The following GCN1 variants were observed in gnomAD, a reference collection of about 807,000 sequenced individuals.
GCN1 encodes GCN1 activator of EIF2AK4, also known as stalled ribosome sensor GCN1.
A neutral mutation model predicts 288.4 loss-of-function variants in GCN1; 90 were observed. The observed-to-expected ratio is 0.31, with a 90% confidence interval of 0.26 to 0.37. The LOEUF is 0.37. Ranked by LOEUF, GCN1 falls within the 10% of genes least tolerant of loss-of-function variation. The pLI, the probability that GCN1 is intolerant of heterozygous loss-of-function variation, is 1.00. For missense variants in GCN1, 2,586 were observed against 3,419.9 expected (o/e 0.76, Z 6.08); for synonymous variants, 1,386 against 1,420.2 (o/e 0.98, Z 0.54).
At position 120,176,180 on chromosome 12, in the gene GCN1, G is replaced by A; in HGVS notation, c.876C>T (p.Leu292=). Residue 292 remains leucine, a synonymous_variant, in exon 10 of 58, where the codon CTC becomes CTT. Coordinates refer to ENST00000300648, the MANE Select transcript of GCN1 (RefSeq NM_006836.2). ...TCACGATGTCCATGGCATACTGGCT[G>A]AGGTCAAGCGTCACTGATGCCAGCA... ...SSLLASVTLD[L]SQYAMDIVKG... 6.2e-7 allele frequency: 1 copy of A among 1,612,402 alleles called. No homozygotes were observed. Among genetic ancestry groups the A allele is most frequent in the African/African-American group, 1.3e-5 (1 of 75,016 alleles).
At chr12:120,160,763 T>A (rs1268303943) in intron 22 of GCN1, among the ~76,000 whole-genome samples, 2 of 152,188 alleles carry the variant, frequency 1.3e-5, no homozygotes, top group Non-Finnish European at 2.9e-5. Context: ...GGCAGGAATA[T>A]CGTAGGAACA....
At chr12:120,167,636 T>C (rs1878176441) in intron 16 of GCN1, among the ~76,000 whole-genome samples, 2 of 152,300 alleles carry the variant, frequency 1.3e-5, no homozygotes, top group African/African-American at 2.4e-5. Context: ...TTGAATTACA[T>C]TAGTCTATTT....
At chr12:120,192,126 G>C (rs1879020199) in intron 1 of GCN1, among the ~76,000 whole-genome samples, 1 of 152,082 alleles carries the variant, frequency 6.6e-6, no homozygotes, top group Admixed American at 6.5e-5. Context: ...ACTTCAGTTT[G>C]ACTTGTTTTA....
chr12:120,158,135 GC>G lies in GCN1; in HGVS notation c.2906-106del. On this transcript the variant is annotated intron_variant, in intron 25 of 57. Transcript: ENST00000300648. This position sits in a 1 kb window ranked among gnomAD's most constrained non-coding sequence, Gnocchi z 4.3. ...AAAGTAGGGAACGGATGGACCAGAG[GC>G]CCGTTCTGACACCTGGAAGCACATG... The G allele has an allele frequency of 2.6e-6, 3 of 1,136,298 alleles. No individual in the cohort carries two copies. The highest frequency in any genetic ancestry group is 3.8e-6 in the Non-Finnish European group (3 of 792,794). The allele number at this position is 1,136,298 out of a possible 1,614,324, so 70.4% of individuals were successfully genotyped here.
intron 14 of GCN1, among the ~76,000 whole-genome samples, chr12:120,171,971 G>A (rs530883622): frequency 6.6e-6 from 1 of 151,720 alleles, no homozygotes; most frequent in South Asian, 2.1e-4. Flanking sequence ...AAGCAATCCC[G>A]CTGCCTCAGC....
At chr12:120,180,472 G>A (rs189137101) in intron 5 of GCN1, among the ~76,000 whole-genome samples, 5 of 150,892 alleles carry the variant, frequency 3.3e-5, no homozygotes, top group East Asian at 2.0e-4. Context: ...AAAATTAGCC[G>A]GGTGTGGTGG....
chr12:120,162,967 G>A lies in GCN1; in HGVS notation c.2043C>T (p.Ala681=), dbSNP rs376225882. 188 of 1,614,090 alleles carry A rather than the reference G, an allele frequency of 1.2e-4. No homozygotes were observed. The highest frequency in any genetic ancestry group is 6.6e-4 in the Middle Eastern group (4 of 6,082). ...GTGCTGGCCAAAGTCCAGACTGCAC[G>A]GCAACTGAAGGGGAAGGGAGCTCTT... ...LIISHHPSLV[A]VQSGLWPALL... is the part of the protein sequence containing the mutation. The change falls in exon 20 of 58, where the codon GCC becomes GCT. Residue 681 remains alanine (A), a synonymous_variant. Transcript: ENST00000300648.
Position 120,137,949 on chromosome 12 carries a change from C to G in GCN1, c.6345G>C (p.Ala2115=), listed in dbSNP as rs772955825. 6.2e-7 allele frequency: 1 copy of G among 1,613,988 alleles called. No individual in the cohort carries two copies. Among genetic ancestry groups the G allele is most frequent in the Non-Finnish European group, 8.5e-7 (1 of 1,179,988 alleles). ...LTRHLGVILP[A]VMLALKEKLG... Reference sequence around the variant, plus strand: ...GCTTTTCCTTCAGGGCCAGCATGACCGCTGGGAGGATCACGCCAAGATGAC... The same window carrying G: ...GCTTTTCCTTCAGGGCCAGCATGACGGCTGGGAGGATCACGCCAAGATGAC... The change falls in exon 48 of 58, where the codon GCG becomes GCC. Residue 2115 remains alanine, a synonymous_variant. Transcript: ENST00000300648. This position sits in a 1 kb window ranked among gnomAD's most constrained non-coding sequence, Gnocchi z 5.2.
intron 2 of GCN1, among the ~76,000 whole-genome samples, chr12:120,189,276 T>C (rs1459666499): frequency 1.3e-5 from 2 of 152,032 alleles, no homozygotes; most frequent in Non-Finnish European, 2.9e-5. Flanking sequence ...TTTCACCATG[T>C]TGGTCAGGCT....
Position 120,149,902 on chromosome 12 carries a change from C to A in GCN1, c.4431+20G>T. The A allele has an allele frequency of 6.2e-7, 1 of 1,613,968 alleles. No individual in the cohort carries two copies. ...TCATAAAGTTTCCATGCTGTTCTCC[C>A]GAGCAGTCCGGGGACTTACCTCACG... On this transcript the variant is annotated intron_variant, in intron 35 of 57. Transcript: ENST00000300648.
intron 45 of GCN1, 55 bp downstream of exon 45, chr12:120,140,802 CCT>C (rs1334964593): frequency 2.6e-6 from 4 of 1,539,072 alleles, no homozygotes; most frequent in African/African-American, 2.7e-5. Flanking sequence ...CCTCCCCCGC[CCT>C]CTGAGTCAGG....
At chr12:120,189,220 G>A (rs2136119461) in intron 2 of GCN1, among the ~76,000 whole-genome samples, 1 of 151,338 alleles carries the variant, frequency 6.6e-6, no homozygotes, top group Non-Finnish European at 1.5e-5. Context: ...TTACAGGCGT[G>A]CGTCACCATG....
In GCN1 at chr12:120,153,093, C is replaced by T; in HGVS notation, c.4062+120G>A. 3 of 772,458 alleles carry T rather than the reference C, an allele frequency of 3.9e-6. No individual in the cohort carries two copies. Among genetic ancestry groups the T allele is most frequent in the Non-Finnish European group, 6.3e-6 (3 of 476,100 alleles). 47.9% of individuals were successfully genotyped at this position (772,458 alleles called of 1,614,324 possible). A position where few individuals can be genotyped will look rare whatever the true frequency, so the allele number is the denominator to read the frequency against. On this transcript the variant is annotated intron_variant, in intron 33 of 57. Transcript: ENST00000300648. The surrounding 1 kb of genome is among the most constrained non-coding windows in gnomAD (Gnocchi z 4.4). The stretch of plus-strand genomic sequence containing the variant: ...CCTGCGAGAGGGGGTGAATCCTTAA[C>T]AAGAACTGGGCTTTCAGGGCCCTGA...
intron 2 of GCN1, 37 bp from the exon 3 acceptor site, chr12:120,184,924 A>C (rs1436266903): frequency 1.4e-6 from 2 of 1,442,742 alleles, no homozygotes; most frequent in East Asian, 2.3e-5. Context: ...GGTCAATAAA[A>C]ATCACTTGGT....
intron 17 of GCN1, 21 bp downstream of exon 17, chr12:120,164,625 A>G: frequency 6.2e-7 from 1 of 1,609,936 alleles, no homozygotes; most frequent in Non-Finnish European, 8.5e-7. Flanking sequence ...CCAAAAGAAA[A>G]GGTAAGCCAG....
chr12:120,147,003 C>A, intron 38 of GCN1, 49 bp downstream of exon 38: 1 of 1,190,412 alleles, frequency 8.4e-7, no homozygotes, highest in Admixed American at 2.7e-5. Flanking sequence ...TGACTCTGCA[C>A]TCAAACATCT....
chr12:120,192,093 TAATA>T (rs1026743855), intron 1 of GCN1, among the ~76,000 whole-genome samples: 102 of 152,352 alleles, frequency 6.7e-4, no homozygotes, highest in African/African-American at 2.3e-3. Context: ...CCCCTGGTGT[TAATA>T]ATTACCCTTT....
At chr12:120,179,654 C>G (rs1878589139) in intron 5 of GCN1, among the ~76,000 whole-genome samples, 1 of 152,076 alleles carries the variant, frequency 6.6e-6, no homozygotes, top group Non-Finnish European at 1.5e-5. Context: ...CCGCCTCGGC[C>G]TCCCAAAGTG....
chr12:120,164,284 G>A lies in GCN1; in HGVS notation c.1848+52C>T, dbSNP rs898313650. The A allele has an allele frequency of 2.4e-5, 37 of 1,522,892 alleles. No homozygotes were observed. The South Asian group carries it at 3.1e-4, about 13-fold the overall frequency. 94.3% of individuals were successfully genotyped at this position (1,522,892 alleles called of 1,614,324 possible). On this transcript the variant is annotated intron_variant, in intron 18 of 57. Coordinates refer to ENST00000300648, the MANE Select transcript of GCN1 (RefSeq NM_006836.2). ...AGCCAAAACCCCACATCGTAAGCAG[G>A]GGCAGCTAAGTGGATCCAAGAGCCC...
Sources: gnomAD v4.1 joint callset for allele counts (sites outside exome capture counted in the v4.1 genomes callset) on GRCh38, gnomAD v4.1.1 for gene constraint, Gnocchi (gnomAD v3.1) non-coding constraint, MANE v1.5 for transcripts, NCBI Gene and HGNC (gene_info 2026-07-23, HGNC 2026-07-21) for gene names.